The following RBFOX2 variants were observed in gnomAD, a reference collection of about 807,000 sequenced individuals.
The protein encoded by RBFOX2 is RNA binding fox-1 homolog 2.
A neutral mutation model predicts 49.1 loss-of-function variants in RBFOX2; 10 were observed. That is an observed-to-expected ratio of 0.20 (90% CI 0.13 to 0.35). The LOEUF is 0.35. RBFOX2 is among the 10% of genes least tolerant of loss of function. RBFOX2 has a pLI of 1.00. For missense variants in RBFOX2, 323 were observed against 486.9 expected (o/e 0.66, Z 3.17); for synonymous variants, 183 against 187.4 (o/e 0.98, Z 0.19).
chr22:35,842,680 T>C (rs977842926), upstream of RBFOX2, among the ~76,000 whole-genome samples: 1 of 152,104 alleles, frequency 6.6e-6, no homozygotes, highest in Non-Finnish European at 1.5e-5. Context: ...ACTAAGAAGA[T>C]AGCATCTCCC....
intron 1 of RBFOX2, among the ~76,000 whole-genome samples, chr22:35,978,130 T>A (rs946949793): frequency 2.0e-5 from 3 of 151,964 alleles, no homozygotes; most frequent in African/African-American, 4.8e-5. Flanking sequence ...AGCAAATAAG[T>A]AAACATATTG....
chr22:35,739,371 A>T (rs1197415435), exon 12 of RBFOX2: 1 of 152,010 alleles, frequency 6.6e-6, no homozygotes. Context: ...GGACAAGTAC[A>T]CTCCACCGGC....
intron 1 of RBFOX2, among the ~76,000 whole-genome samples, chr22:35,896,878 TAAAAGA>T (rs2047912443): frequency 6.6e-6 from 1 of 152,002 alleles, no homozygotes. Flanking sequence ...GTTTTCTAAA[TAAAAGA>T]AAAAAAGAAA....
At chr22:35,857,653 G>A (rs1265424441) in intron 1 of RBFOX2, among the ~76,000 whole-genome samples, 1 of 152,158 alleles carries the variant, frequency 6.6e-6, no homozygotes, top group Non-Finnish European at 1.5e-5. Context: ...ATGGGGTTGA[G>A]ATTCCTCTCC....
exon 12 of RBFOX2, chr22:35,743,670 A>ATTCCAGCC (rs1931026209): frequency 1.3e-5 from 2 of 152,622 alleles, no homozygotes; most frequent in Admixed American, 1.3e-4. Flanking sequence ...CAGCATGTGG[A>ATTCCAGCC]TTCCAGCCAC....
At chr22:35,775,503 CA>C (rs1174100957) in intron 4 of RBFOX2, among the ~76,000 whole-genome samples, 7 of 152,046 alleles carry the variant, frequency 4.6e-5, no homozygotes, top group Non-Finnish European at 1.0e-4. Flanking sequence ...TCATTACTTT[CA>C]AATGAGTTAC....
intron 1 of RBFOX2, among the ~76,000 whole-genome samples, chr22:36,025,182 C>G (rs1214158757): frequency 2.0e-5 from 3 of 152,218 alleles, no homozygotes; most frequent in African/African-American, 7.2e-5. Context: ...CTAAGACTAC[C>G]TGCCCTTGCT....
chr22:35,914,256 A>G (rs948318034), intron 1 of RBFOX2, among the ~76,000 whole-genome samples: 46 of 152,306 alleles, frequency 3.0e-4, no homozygotes, highest in African/African-American at 1.0e-3. Context: ...CTGCAGAGTC[A>G]TAAGAATTTA....
intron 9 of RBFOX2, chr22:35,747,207 C>A (rs1933064272): frequency 6.6e-6 from 1 of 152,240 alleles, no homozygotes; most frequent in Non-Finnish European, 1.5e-5. Context: ...CAATGTCCTA[C>A]AAAGCCAAAA....
intron 1 of RBFOX2, among the ~76,000 whole-genome samples, chr22:36,003,885 C>T (rs867557277): frequency 6.6e-6 from 1 of 152,182 alleles, no homozygotes; most frequent in Non-Finnish European, 1.5e-5. Context: ...TACTCAACAA[C>T]TGTTCTTTTA....
At chr22:35,746,713 G>T (rs1375987104) in intron 9 of RBFOX2, 152 bp from the exon 12 acceptor site, 7 of 418,250 alleles carry the variant, frequency 1.7e-5, no homozygotes, top group Admixed American at 4.3e-5. Context: ...GTTTCAAACT[G>T]CATCAGTCTG....
At chr22:35,877,119 C>T (rs774335965) in intron 1 of RBFOX2, among the ~76,000 whole-genome samples, 1 of 152,042 alleles carries the variant, frequency 6.6e-6, no homozygotes, top group Non-Finnish European at 1.5e-5. Context: ...CCCATTTTCC[C>T]TGATACAAAT....
chr22:35,824,054 C>T (rs1230941423), intron 1 of RBFOX2, among the ~76,000 whole-genome samples: 1 of 151,990 alleles, frequency 6.6e-6, no homozygotes, highest in Non-Finnish European at 1.5e-5. Flanking sequence ...GAGGCTGAGG[C>T]AGGAGATTCG....
At chr22:36,007,680 C>T (rs1204233640) in intron 1 of RBFOX2, among the ~76,000 whole-genome samples, 1 of 152,144 alleles carries the variant, frequency 6.6e-6, no homozygotes, top group Non-Finnish European at 1.5e-5. Flanking sequence ...CTCAATGCTC[C>T]TCCGAGGAGG....
At chr22:35,757,600 A>G (rs1937371971) in intron 9 of RBFOX2, among the ~76,000 whole-genome samples, 2 of 152,328 alleles carry the variant, frequency 1.3e-5, no homozygotes, top group Non-Finnish European at 2.9e-5. Context: ...TTCTATTTCC[A>G]ATGACATTTG....
intron 1 of RBFOX2, among the ~76,000 whole-genome samples, chr22:35,894,835 C>T (rs534230582): frequency 2.6e-5 from 4 of 152,002 alleles, no homozygotes; most frequent in Admixed American, 6.6e-5. Flanking sequence ...CATGTCAGAT[C>T]GGGCTGCTCA....
intron 2 of RBFOX2, among the ~76,000 whole-genome samples, chr22:35,792,399 A>G (rs1156522304): frequency 2.6e-5 from 4 of 151,940 alleles, no homozygotes; most frequent in African/African-American, 4.8e-5. Context: ...CTATTAACAA[A>G]ATTTTCATTT....
intron 1 of RBFOX2, among the ~76,000 whole-genome samples, chr22:35,877,233 G>A (rs1232673562): frequency 6.6e-6 from 1 of 152,004 alleles, no homozygotes; most frequent in East Asian, 1.9e-4. Context: ...GAACAGAATA[G>A]GGAAGCAAAA....
intron 1 of RBFOX2, among the ~76,000 whole-genome samples, chr22:35,977,403 G>T (rs1320609255): frequency 6.6e-6 from 1 of 151,984 alleles, no homozygotes; most frequent in Non-Finnish European, 1.5e-5. Flanking sequence ...ACCTAAAACA[G>T]TACAGACGAA....
Sources: allele counts gnomAD v4.1 joint callset (sites outside exome capture counted in the v4.1 genomes callset), GRCh38; gene constraint gnomAD v4.1.1; transcripts MANE v1.5; gene names NCBI Gene and HGNC (gene_info 2026-07-23, HGNC 2026-07-21).